The following LRP1B variants were observed in gnomAD, a reference collection of about 807,000 sequenced individuals.
The protein encoded by LRP1B is LDL receptor related protein 1B, also known as low-density lipoprotein receptor-related protein 1B.
LRP1B carries 217 observed loss-of-function variants against 556.6 expected under a neutral mutation model. That is an observed-to-expected ratio of 0.39 (90% CI 0.35 to 0.44). The LOEUF (loss-of-function observed/expected upper bound fraction) is 0.44, where lower values mean the gene tolerates loss of function less well. LRP1B is among the 20% of genes least tolerant of loss of function. The pLI is 1.00. For missense variants in LRP1B, 5,053 were observed against 5,620.8 expected (o/e 0.90, Z 3.23); for synonymous variants, 2,047 against 1,865.8 (o/e 1.10, Z -2.50).
chr2:141,793,565 T>C (rs1695693362), intron 2 of LRP1B, among the ~76,000 whole-genome samples: 1 of 151,970 alleles, frequency 6.6e-6, no homozygotes, highest in Admixed American at 6.6e-5. Context: ...TATACAAAAA[T>C]TAATGCTGCC....
intron 3 of LRP1B, among the ~76,000 whole-genome samples, chr2:141,443,899 C>A (rs923190701): frequency 2.0e-5 from 3 of 152,048 alleles, no homozygotes; most frequent in African/African-American, 7.2e-5. Context: ...TTAGGATTGT[C>A]TTGGATATAC....
At chr2:141,205,617 A>C (rs2105236428) in intron 6 of LRP1B, among the ~76,000 whole-genome samples, 1 of 152,314 alleles carries the variant, frequency 6.6e-6, no homozygotes, top group Non-Finnish European at 1.5e-5. Context: ...TTTAAGTCCA[A>C]AATCTTTGTG....
At position 141,709,087 on chromosome 2, in the gene LRP1B, G is replaced by A. The variant is rs572937097; in HGVS notation, c.205+101192C>T. ...CTTTTGGGGACAGGTGTGGTGGCTC[G>A]TGCTTGTAATCACAGTACTTTGGGA... On this transcript the variant is annotated intron_variant, in intron 2 of 90. Transcript: ENST00000389484. Among the ~76,000 whole-genome samples, 384 of 152,094 alleles carry A rather than the reference G, an allele frequency of 2.5e-3. 4 individuals are homozygous for A. The highest frequency in any genetic ancestry group is 8.0e-3 in the African/African-American group (334 of 41,502).
At chr2:140,567,063 C>G (rs1681154398) in intron 43 of LRP1B, among the ~76,000 whole-genome samples, 1 of 152,128 alleles carries the variant, frequency 6.6e-6, no homozygotes, top group African/African-American at 2.4e-5. Context: ...TAGTACCCCA[C>G]ATTCCATGGA....
chr2:140,385,668 C>T (rs1043239833), intron 67 of LRP1B, among the ~76,000 whole-genome samples: 2 of 152,034 alleles, frequency 1.3e-5, no homozygotes, highest in Non-Finnish European at 2.9e-5. Flanking sequence ...ACTTTCATAC[C>T]AGTTGTGAGA....
At chr2:141,278,526 T>G (rs1446938261) in intron 3 of LRP1B, among the ~76,000 whole-genome samples, 1 of 152,138 alleles carries the variant, frequency 6.6e-6, no homozygotes, top group Non-Finnish European at 1.5e-5. Flanking sequence ...GCTGACTAAG[T>G]AAAGCAGAGT....
At chr2:140,738,071 C>T (rs1688007529) in intron 35 of LRP1B, among the ~76,000 whole-genome samples, 1 of 152,134 alleles carries the variant, frequency 6.6e-6, no homozygotes, top group African/African-American at 2.4e-5. Context: ...AGAGTTGGAG[C>T]TCCTTCTTAC....
At chr2:141,209,409 G>A (rs1682446594) in intron 6 of LRP1B, among the ~76,000 whole-genome samples, 1 of 152,138 alleles carries the variant, frequency 6.6e-6, no homozygotes, top group African/African-American at 2.4e-5. Context: ...TAAGTTTTCA[G>A]AAGCCTCCCC....
chr2:142,017,880 C>G (rs1703201074), intron 1 of LRP1B, among the ~76,000 whole-genome samples: 1 of 151,238 alleles, frequency 6.6e-6, no homozygotes, highest in Admixed American at 6.6e-5. Context: ...GACCTTGTCT[C>G]AAAAAAGTTT....
At chr2:141,539,707 A>G (rs967636623) in intron 2 of LRP1B, among the ~76,000 whole-genome samples, 1 of 152,226 alleles carries the variant, frequency 6.6e-6, no homozygotes, top group Non-Finnish European at 1.5e-5. Flanking sequence ...TGTTATAACT[A>G]TTGAATGCTA....
chr2:141,188,314 A>C, intron 7 of LRP1B, 107 bp downstream of exon 7: 1 of 1,065,742 alleles, frequency 9.4e-7, no homozygotes, highest in Non-Finnish European at 1.4e-6. Context: ...CATTTCTAAA[A>C]AGTTTGAGTC....
intron 2 of LRP1B, among the ~76,000 whole-genome samples, chr2:141,552,714 G>A (rs563949210): frequency 8.6e-5 from 13 of 151,972 alleles, no homozygotes; most frequent in Non-Finnish European, 1.3e-4. Context: ...TTGGCTTGGC[G>A]GAAAAATGTA....
intron 3 of LRP1B, among the ~76,000 whole-genome samples, chr2:141,466,331 C>T (rs1001376873): frequency 6.6e-6 from 1 of 152,172 alleles, no homozygotes; most frequent in Non-Finnish European, 1.5e-5. Flanking sequence ...TAGAGTTTAT[C>T]AAGCATAGTA....
At chr2:140,762,276 G>A (rs1054693696) in intron 35 of LRP1B, among the ~76,000 whole-genome samples, 2 of 152,120 alleles carry the variant, frequency 1.3e-5, no homozygotes, top group Admixed American at 6.6e-5. Context: ...AATCCTGAAT[G>A]CAGAATTTAA....
chr2:141,056,576 A>G (rs182157954), intron 9 of LRP1B, among the ~76,000 whole-genome samples: 8 of 152,030 alleles, frequency 5.3e-5, no homozygotes, highest in Non-Finnish European at 1.2e-4. Flanking sequence ...TCATGCTGCT[A>G]AATCCTATGG....
At chr2:142,040,054 A>T (rs2105213247) in intron 1 of LRP1B, among the ~76,000 whole-genome samples, 1 of 151,610 alleles carries the variant, frequency 6.6e-6, no homozygotes, top group East Asian at 1.9e-4. Flanking sequence ...GAATTGATAT[A>T]GTGTGTCTTC....
intron 7 of LRP1B, among the ~76,000 whole-genome samples, chr2:141,149,670 T>G (rs1037544603): frequency 6.6e-6 from 1 of 152,156 alleles, no homozygotes; most frequent in Non-Finnish European, 1.5e-5. Flanking sequence ...CCTGAGGCAC[T>G]GCGTCGGCTT....
intron 77 of LRP1B, among the ~76,000 whole-genome samples, chr2:140,347,609 A>AT (rs1015521202): frequency 3.9e-5 from 6 of 152,100 alleles, no homozygotes; most frequent in South Asian, 4.1e-4. Context: ...CTATTCCAAT[A>AT]TTTTTAGTAT....
chr2:141,835,322 A>G lies in LRP1B; in HGVS notation c.83-24921T>C, dbSNP rs535840413. ...GCAGTAAACACAGAGCAGTGTTATC[A>G]CTGGTAAATCACATCATCTAGCCCG... is the stretch of plus-strand genomic sequence containing the variant. On this transcript the variant is annotated intron_variant, in intron 1 of 90. Transcript: ENST00000389484. Among the ~76,000 whole-genome samples, 3 of 151,986 alleles carry G rather than the reference A, an allele frequency of 2.0e-5. No homozygotes were observed. The South Asian group carries it at 6.2e-4, about 31-fold the overall frequency.
Sources: allele counts gnomAD v4.1 joint callset (sites outside exome capture counted in the v4.1 genomes callset), GRCh38; gene constraint gnomAD v4.1.1; transcripts MANE v1.5; gene names NCBI Gene and HGNC (gene_info 2026-07-23, HGNC 2026-07-21).